The following ATRNL1 variants were observed in gnomAD, a reference collection of about 807,000 sequenced individuals.
ATRNL1 encodes the protein attractin-like protein 1.
ATRNL1 carries 95 observed loss-of-function variants against 182.7 expected under a neutral mutation model. The observed-to-expected ratio is 0.52, with a 90% confidence interval of 0.44 to 0.62. The LOEUF (loss-of-function observed/expected upper bound fraction) is 0.62. ATRNL1 is among the 20% of genes least tolerant of loss of function. The pLI, the probability that ATRNL1 is intolerant of heterozygous loss-of-function variation, is 0.00. For missense variants in ATRNL1, 1,471 were observed against 1,679.5 expected, an observed-to-expected ratio of 0.88 and a Z score of 2.17; for synonymous variants, 576 against 568.3, an observed-to-expected ratio of 1.01 and a Z score of -0.19.
chr10:115,322,631 TC>T (rs1854641489), intron 18 of ATRNL1, among the ~76,000 whole-genome samples: 1 of 152,124 alleles, frequency 6.6e-6, no homozygotes, highest in African/African-American at 2.4e-5. Flanking sequence ...ACCGTCTGGG[TC>T]ACTTGCTTTC....
At chr10:115,859,365 C>G (rs1951258562) in intron 28 of ATRNL1, among the ~76,000 whole-genome samples, 1 of 152,000 alleles carries the variant, frequency 6.6e-6, no homozygotes, top group African/African-American at 2.4e-5. Context: ...AGTCCCTGCT[C>G]ATATTACCCC....
chr10:115,812,766 C>T lies in ATRNL1; in HGVS notation c.3904-35111C>T, dbSNP rs571729808. On this transcript the variant is annotated intron_variant, in intron 27 of 28. Transcript: ENST00000355044. ...TGCTGGGATTAGGGGCATGAACCAC[C>T]GTGCCTGGCCTTTCCCCTTTTTCTC... is the stretch of plus-strand genomic sequence containing the variant. Among the ~76,000 whole-genome samples, 3 of 151,976 alleles carry T rather than the reference C, an allele frequency of 2.0e-5. 1 individual carries two copies. The highest frequency in any genetic ancestry group is 2.9e-5 in the Non-Finnish European group (2 of 67,986).
At chr10:115,593,164 A>G (rs1856017238) in intron 26 of ATRNL1, among the ~76,000 whole-genome samples, 1 of 152,180 alleles carries the variant, frequency 6.6e-6, no homozygotes, top group Non-Finnish European at 1.5e-5. Context: ...AAGGGGCTGA[A>G]CTTCCTTTTA....
chr10:115,732,353 A>G (rs782145419), intron 27 of ATRNL1, among the ~76,000 whole-genome samples: 7 of 152,202 alleles, frequency 4.6e-5, no homozygotes, highest in Non-Finnish European at 5.9e-5. Context: ...TTCTTATGAC[A>G]GTACCACACT....
At chr10:115,832,538 T>C (rs140311511) in intron 27 of ATRNL1, among the ~76,000 whole-genome samples, 55 of 152,354 alleles carry the variant, frequency 3.6e-4, no homozygotes, top group African/African-American at 1.3e-3. Context: ...CTACAACGTA[T>C]GCGTCTGTCT....
intron 21 of ATRNL1, among the ~76,000 whole-genome samples, chr10:115,457,465 G>A (rs1554968947): frequency 6.6e-6 from 1 of 151,980 alleles, no homozygotes; most frequent in Non-Finnish European, 1.5e-5. Flanking sequence ...CTTGAAGGTT[G>A]GCTTTCACCG....
chr10:115,427,527 C>A (rs1359897867), intron 21 of ATRNL1, among the ~76,000 whole-genome samples: 2 of 151,890 alleles, frequency 1.3e-5, no homozygotes, highest in Non-Finnish European at 1.5e-5. Flanking sequence ...TGTGATTTTC[C>A]CCAGGTTTTG....
At chr10:115,667,974 A>G (rs12219110) in intron 26 of ATRNL1, among the ~76,000 whole-genome samples, 22,960 of 151,868 alleles carry the variant, frequency 0.15, 2,248 homozygotes, top group East Asian at 0.26. Context: ...CCATCACTGC[A>G]TTTTATCAGC....
intron 20 of ATRNL1, among the ~76,000 whole-genome samples, chr10:115,407,853 A>G (rs1402233278): frequency 6.6e-6 from 1 of 152,104 alleles, no homozygotes; most frequent in African/African-American, 2.4e-5. Context: ...CTTATCAACA[A>G]TGTATAAGAG....
Position 115,738,866 on chromosome 10 carries a change from A to G in ATRNL1, c.3903+11511A>G, listed in dbSNP as rs191536449. ...AGTCATTTGTTTACAGTTTAAATAAATAATTTGATAAATGCCCTAGGTTAA... is the reference window on the plus strand; with the variant it reads ...AGTCATTTGTTTACAGTTTAAATAAGTAATTTGATAAATGCCCTAGGTTAA... On this transcript the variant is annotated intron_variant, in intron 27 of 28. Transcript: ENST00000355044. Among the ~76,000 whole-genome samples, 538 of 152,244 alleles carry G rather than the reference A, an allele frequency of 3.5e-3. 3 individuals carry two copies. The highest frequency in any genetic ancestry group is 0.014 in the Middle Eastern group (4 of 294).
chr10:115,702,543 A>G (rs1555051861), intron 26 of ATRNL1, among the ~76,000 whole-genome samples: 6 of 152,002 alleles, frequency 3.9e-5, no homozygotes, highest in Non-Finnish European at 7.4e-5. Context: ...AGAAAACACT[A>G]AAGACTCCAC....
At chr10:115,239,671 G>C in intron 9 of ATRNL1, among the ~76,000 whole-genome samples, 1 of 152,084 alleles carries the variant, frequency 6.6e-6, no homozygotes, top group East Asian at 1.9e-4. Context: ...CACTAGATGG[G>C]GATAGTAGTC....
At chr10:115,922,958 C>T (rs1555119053) in intron 28 of ATRNL1, among the ~76,000 whole-genome samples, 1 of 152,040 alleles carries the variant, frequency 6.6e-6, no homozygotes, top group African/African-American at 2.4e-5. Context: ...TCTTCCTATT[C>T]CTAAGATATC....
intron 24 of ATRNL1, among the ~76,000 whole-genome samples, chr10:115,475,936 C>T (rs1452636504): frequency 1.3e-5 from 2 of 151,316 alleles, no homozygotes; most frequent in Non-Finnish European, 3.0e-5. Context: ...AAAATTATAA[C>T]TGCTCATCAT....
chr10:115,639,486 A>G (rs1859095685), intron 26 of ATRNL1, among the ~76,000 whole-genome samples: 1 of 152,218 alleles, frequency 6.6e-6, no homozygotes, highest in African/African-American at 2.4e-5. Flanking sequence ...GAAATTTGTA[A>G]ATCTTTTATG....
At chr10:115,201,347 G>A (rs1375258573) in intron 8 of ATRNL1, among the ~76,000 whole-genome samples, 1 of 151,984 alleles carries the variant, frequency 6.6e-6, no homozygotes, top group Non-Finnish European at 1.5e-5. Flanking sequence ...TTTCTTCTAG[G>A]GTTTTTATGG....
rs116014574 is a variant in ATRNL1 at position 115,491,216 on chromosome 10, G to A, written c.3654+21887G>A. Among the ~76,000 whole-genome samples, 1,489 of 152,154 alleles carry A rather than the reference G, an allele frequency of 9.8e-3. 19 individuals carry two copies. The highest frequency in any genetic ancestry group is 0.033 in the African/African-American group (1,368 of 41,510). On this transcript the variant is annotated intron_variant, in intron 24 of 28. Transcript: ENST00000355044. Reference sequence around the variant, plus strand: ...CAGTCATGATACACTGGGGGTCAGGGACCCACTTGAGGACCCACTTGAGGC... The same window carrying A: ...CAGTCATGATACACTGGGGGTCAGGAACCCACTTGAGGACCCACTTGAGGC...
At chr10:115,413,371 T>G (rs2134347224) in intron 20 of ATRNL1, among the ~76,000 whole-genome samples, 1 of 152,262 alleles carries the variant, frequency 6.6e-6, no homozygotes, top group Non-Finnish European at 1.5e-5. Flanking sequence ...GACGTGACAT[T>G]AATGAAAATA....
At chr10:115,540,626 A>G (rs1197881352) in intron 25 of ATRNL1, among the ~76,000 whole-genome samples, 2 of 151,800 alleles carry the variant, frequency 1.3e-5, no homozygotes, top group Non-Finnish European at 2.9e-5. Flanking sequence ...CAGGAGTGGT[A>G]GCACACGCCT....
Sources: allele counts gnomAD v4.1 joint callset (sites outside exome capture counted in the v4.1 genomes callset), GRCh38; gene constraint gnomAD v4.1.1; transcripts MANE v1.5; gene names NCBI Gene and HGNC (gene_info 2026-07-23, HGNC 2026-07-21).